PAM: variants seen among roughly 807,000 people sequenced by gnomAD.
PAM encodes the protein peptidyl-glycine alpha-amidating monooxygenase.
Under a neutral mutation model 122.1 loss-of-function variants are expected in PAM, and 72 were observed. That is an observed-to-expected ratio of 0.59 (90% CI 0.49 to 0.72). The LOEUF (loss-of-function observed/expected upper bound fraction) is 0.72, where lower values mean the gene tolerates loss of function less well. Ranked by LOEUF, PAM falls within the 30% of genes least tolerant of loss-of-function variation. PAM has a pLI of 0.00. For missense variants in PAM, 1,106 were observed against 1,183.7 expected (o/e 0.93, Z 0.96); for synonymous variants, 389 against 404.4 (o/e 0.96, Z 0.46).
At chr5:102,755,651 C>G (rs1432932394) in intron 1 of PAM, among the ~76,000 whole-genome samples, 2 of 152,054 alleles carry the variant, frequency 1.3e-5, no homozygotes, top group Non-Finnish European at 2.9e-5. Context: ...TCCTCCCCTC[C>G]GGTCCTTCTC....
At chr5:102,780,138 C>G (rs1758323703) in intron 1 of PAM, among the ~76,000 whole-genome samples, 1 of 151,858 alleles carries the variant, frequency 6.6e-6, no homozygotes, top group African/African-American at 2.4e-5. Context: ...TCCACTGTAT[C>G]CACATTACAT....
At chr5:102,781,835 C>T (rs189206455) in intron 1 of PAM, among the ~76,000 whole-genome samples, 156 of 152,218 alleles carry the variant, frequency 1.0e-3, no homozygotes, top group Middle Eastern at 3.4e-3. Flanking sequence ...GTGGATTAGC[C>T]GTGCTCTTCT....
chr5:102,767,205 T>G (rs949180133), intron 1 of PAM, among the ~76,000 whole-genome samples: 1 of 152,050 alleles, frequency 6.6e-6, no homozygotes, highest in African/African-American at 2.4e-5. Context: ...TTATATACAT[T>G]TTTTCTCATC....
intron 24 of PAM, 59 bp from the exon 25 acceptor site, chr5:103,028,126 G>A: frequency 7.7e-7 from 1 of 1,299,484 alleles, no homozygotes; most frequent in Non-Finnish European, 1.1e-6. Flanking sequence ...GAAGTTGAGT[G>A]CATGGGTTGA....
At chr5:102,917,014 A>G (rs1198376608) in intron 5 of PAM, among the ~76,000 whole-genome samples, 1 of 152,062 alleles carries the variant, frequency 6.6e-6, no homozygotes, top group South Asian at 2.1e-4. Flanking sequence ...GATTATAGGT[A>G]TGAGCCACCA....
At chr5:102,783,750 G>A (rs932876224) in intron 1 of PAM, among the ~76,000 whole-genome samples, 2 of 152,150 alleles carry the variant, frequency 1.3e-5, no homozygotes, top group African/African-American at 4.8e-5. Flanking sequence ...TAACTAGAAT[G>A]GAAAAGGGGA....
At chr5:102,842,721 T>A (rs1778953092) in intron 1 of PAM, among the ~76,000 whole-genome samples, 1 of 152,220 alleles carries the variant, frequency 6.6e-6, no homozygotes, top group African/African-American at 2.4e-5. Context: ...TGCTGTTTAG[T>A]TTGAAGCCTG....
chr5:102,932,765 T>C (rs991576118), intron 7 of PAM, among the ~76,000 whole-genome samples: 1 of 152,022 alleles, frequency 6.6e-6, no homozygotes, highest in African/African-American at 2.4e-5. Context: ...AGATTGGCAA[T>C]GAATGTTAGT....
chr5:102,763,138 T>C (rs1752876534), intron 1 of PAM, among the ~76,000 whole-genome samples: 1 of 152,200 alleles, frequency 6.6e-6, no homozygotes, highest in African/African-American at 2.4e-5. Context: ...CAGACTCTCT[T>C]GGTCCCATGA....
At chr5:102,871,394 AT>A (rs1172780772) in intron 3 of PAM, among the ~76,000 whole-genome samples, 1 of 152,206 alleles carries the variant, frequency 6.6e-6, no homozygotes, top group African/African-American at 2.4e-5. Context: ...CAATGGCTTC[AT>A]GGAGAAGCTA....
intron 1 of PAM, among the ~76,000 whole-genome samples, chr5:102,847,947 T>C (rs1454936659): frequency 1.3e-5 from 2 of 152,202 alleles, no homozygotes; most frequent in Admixed American, 1.3e-4. Flanking sequence ...TATTGATTAT[T>C]GCCAATGAAA....
chr5:102,894,999 A>C (rs1165497815), intron 3 of PAM, among the ~76,000 whole-genome samples: 1 of 151,796 alleles, frequency 6.6e-6, no homozygotes, highest in Non-Finnish European at 1.5e-5. Flanking sequence ...CCTACAAAAA[A>C]AAAAAATGTC....
intron 14 of PAM, among the ~76,000 whole-genome samples, chr5:102,963,428 C>G (rs1763105317): frequency 6.6e-6 from 1 of 151,948 alleles, no homozygotes; most frequent in African/African-American, 2.4e-5. Context: ...TTTAATTATT[C>G]AAATAAATTA....
At chr5:102,925,157 C>T (rs1227391652) in intron 6 of PAM, 115 bp downstream of exon 6, 2 of 676,766 alleles carry the variant, frequency 3.0e-6, no homozygotes, top group Non-Finnish European at 5.5e-6. Flanking sequence ...ATTGCTGCTT[C>T]ACAGTGAAAG....
intron 1 of PAM, among the ~76,000 whole-genome samples, chr5:102,809,521 G>A (rs758778402): frequency 6.6e-6 from 1 of 152,192 alleles, no homozygotes; most frequent in Non-Finnish European, 1.5e-5. Flanking sequence ...ATAGTTGAAC[G>A]TTTATTCTGT....
chr5:102,939,850 T>G (rs1561961314), intron 7 of PAM, among the ~76,000 whole-genome samples: 1 of 152,004 alleles, frequency 6.6e-6, no homozygotes, highest in Non-Finnish European at 1.5e-5. Flanking sequence ...TGTAAATAGA[T>G]TAAGATGATT....
intron 4 of PAM, 50 bp downstream of exon 4, chr5:102,901,463 T>C (rs540711734): frequency 2.0e-6 from 2 of 1,001,990 alleles, no homozygotes; most frequent in Non-Finnish European, 3.2e-6. Context: ...AGGGCAGTGA[T>C]TTGAAATCAG....
At chr5:102,932,453 G>A (rs965060047) in intron 7 of PAM, among the ~76,000 whole-genome samples, 2 of 151,240 alleles carry the variant, frequency 1.3e-5, no homozygotes, top group Non-Finnish European at 2.9e-5. Flanking sequence ...CCACTGCACT[G>A]CAGCCTGGGT....
chr5:102,840,805 C>T (rs1778385314), intron 1 of PAM, among the ~76,000 whole-genome samples: 1 of 152,032 alleles, frequency 6.6e-6, no homozygotes, highest in South Asian at 2.1e-4. Context: ...GAAGAGCACA[C>T]AAAACTTTAA....
Sources: gnomAD v4.1 joint callset for allele counts (sites outside exome capture counted in the v4.1 genomes callset) on GRCh38, gnomAD v4.1.1 for gene constraint, MANE v1.5 for transcripts, NCBI Gene and HGNC (gene_info 2026-07-23, HGNC 2026-07-21) for gene names.